Variants in PSTPIP1 observed in about 807,000 individuals in gnomAD.
PSTPIP1 encodes the protein proline-serine-threonine phosphatase-interacting protein 1.
Under a neutral mutation model 69.6 loss-of-function variants are expected in PSTPIP1, and 66 were observed. The observed-to-expected ratio is 0.95, with a 90% CI of 0.78 to 1.16. PSTPIP1 has a LOEUF of 1.16. Ranked by LOEUF, PSTPIP1 falls within the 50% of genes most tolerant of loss-of-function variation. The pLI, the probability that PSTPIP1 is intolerant of heterozygous loss-of-function variation, is 0.00. For missense variants in PSTPIP1, 603 were observed against 557.4 expected, an observed-to-expected ratio of 1.08 and a Z score of -0.82; for synonymous variants, 266 against 222.7, an observed-to-expected ratio of 1.19 and a Z score of -1.73.
At chr15:77,026,330 G>T (rs2076281193) in intron 5 of PSTPIP1, among the ~76,000 whole-genome samples, 2 of 152,288 alleles carry the variant, frequency 1.3e-5, no homozygotes, top group East Asian at 3.9e-4. Context: ...TAGTGATGAG[G>T]GTGGTGCCCT....
intron 1 of PSTPIP1, among the ~76,000 whole-genome samples, chr15:77,012,174 C>G (rs1387866564): frequency 7.3e-6 from 1 of 136,092 alleles, no homozygotes; most frequent in Non-Finnish European, 1.6e-5. Context: ...CCCACCCACC[C>G]ACCCATTCAC....
At chr15:77,024,528 C>G (rs756046377) in intron 3 of PSTPIP1, 1 of 152,156 alleles carries the variant, frequency 6.6e-6, no homozygotes, top group Non-Finnish European at 1.5e-5. Flanking sequence ...TACTGGATGC[C>G]CAGGTGAACG....
At chr15:77,018,611 C>A in intron 3 of PSTPIP1, 80 bp downstream of exon 3, 1 of 1,389,816 alleles carries the variant, frequency 7.2e-7, no homozygotes, top group East Asian at 2.5e-5. Context: ...TTAGGTCTTC[C>A]TGGCATGGGG....
chr15:76,995,847 G>A (rs1301603591), intron 1 of PSTPIP1, among the ~76,000 whole-genome samples: 1 of 152,192 alleles, frequency 6.6e-6, no homozygotes, highest in Admixed American at 6.5e-5. Flanking sequence ...TTCTCCTCTG[G>A]GAGACCTCTC....
At chr15:77,029,664 TC>T in intron 8 of PSTPIP1, 90 bp downstream of exon 8, 1 of 1,360,164 alleles carries the variant, frequency 7.4e-7, no homozygotes, top group Non-Finnish European at 1.0e-6. Flanking sequence ...ACACACACAC[TC>T]CCCCTGGCTG....
At chr15:77,013,179 C>T (rs536942315) in intron 1 of PSTPIP1, among the ~76,000 whole-genome samples, 3 of 152,220 alleles carry the variant, frequency 2.0e-5, no homozygotes, top group African/African-American at 4.8e-5. Flanking sequence ...GCTGCTGCTA[C>T]GTCTTGCTTC....
chr15:77,002,179 G>A (rs1206907003), intron 1 of PSTPIP1, among the ~76,000 whole-genome samples: 1 of 152,196 alleles, frequency 6.6e-6, no homozygotes, highest in Non-Finnish European at 1.5e-5. Context: ...CTCTGTGATG[G>A]GACCTAAGGC....
At chr15:77,036,356 G>A (rs888164588) in intron 14 of PSTPIP1, among the ~76,000 whole-genome samples, 2 of 152,204 alleles carry the variant, frequency 1.3e-5, no homozygotes, top group Non-Finnish European at 2.9e-5. Context: ...CAGGCTCTGT[G>A]CCTTTGGGTC....
At position 77,001,268 on chromosome 15, in the gene PSTPIP1, C is replaced by A. The variant is rs553043890; in HGVS notation, c.36+5659C>A. Among the ~76,000 whole-genome samples, 9 of 152,336 alleles carry A rather than the reference C, an allele frequency of 5.9e-5. No individual in the cohort carries two copies. In the East Asian group the frequency reaches 7.7e-4, roughly 13 times the overall value. On this transcript the variant is annotated intron_variant, in intron 1 of 14. Coordinates refer to ENST00000558012, the MANE Select transcript of PSTPIP1 (RefSeq NM_003978.5). ...AATGGCTATTTTCCAGGGAAGGAGG[C>A]ATTTCTGGGTGAAAGAGTGGGGCCA...
intron 1 of PSTPIP1, among the ~76,000 whole-genome samples, chr15:77,009,423 G>C (rs779415805): frequency 6.6e-6 from 1 of 152,184 alleles, no homozygotes; most frequent in Non-Finnish European, 1.5e-5. Flanking sequence ...CGCAAAGCAG[G>C]CACCTCATAT....
chr15:77,018,063 C>T lies in PSTPIP1; in HGVS notation c.37-85C>T, dbSNP rs1243698310. ...ATGGAGGCAGGAGGGAGGCTGTTCC[C>T]AGAGATGGTGGGAGGGTCCCCACAG... On this transcript the variant is annotated intron_variant, in intron 1 of 14. Transcript: ENST00000558012. 2.2e-6 allele frequency: 3 copies of T among 1,372,248 alleles called. No individual in the cohort carries two copies. The African/African-American group carries it at 4.3e-5, about 20-fold the overall frequency. The allele number at this position is 1,372,248 out of a possible 1,614,324, so 85.0% of individuals were successfully genotyped here.
At chr15:77,005,326 C>T (rs2075794716) in intron 1 of PSTPIP1, among the ~76,000 whole-genome samples, 1 of 151,362 alleles carries the variant, frequency 6.6e-6, no homozygotes, top group Non-Finnish European at 1.5e-5. Context: ...GCAGAGGTTG[C>T]AGTGAGCCAA....
intron 1 of PSTPIP1, among the ~76,000 whole-genome samples, chr15:77,006,291 C>A (rs950220578): frequency 6.6e-6 from 1 of 152,004 alleles, no homozygotes; most frequent in African/African-American, 2.4e-5. Context: ...TATTTAAGAC[C>A]TTTGCCCACT....
At chr15:77,005,059 G>C (rs2075789306) in intron 1 of PSTPIP1, among the ~76,000 whole-genome samples, 1 of 152,088 alleles carries the variant, frequency 6.6e-6, no homozygotes, top group African/African-American at 2.4e-5. Flanking sequence ...TTTAGCTTGA[G>C]AGGCATCAAC....
chr15:77,033,224 C>T (rs1375085285), intron 12 of PSTPIP1, among the ~76,000 whole-genome samples: 1 of 152,194 alleles, frequency 6.6e-6, no homozygotes, highest in African/African-American at 2.4e-5. Context: ...CCTATGCTGG[C>T]TTCCTTGTCC....
Position 77,031,178 on chromosome 15 carries a change from A to G in PSTPIP1, c.643-2A>G, listed in dbSNP as rs775632005. ...TGCTCACCTCCCTCCCACTGCCCCC[A>G]GGCCTTTCAGCTGCAAGAGTTTGAC... On this transcript the variant is annotated splice_acceptor_variant, in intron 9 of 14. Coordinates refer to ENST00000558012, the MANE Select transcript of PSTPIP1 (RefSeq NM_003978.5). LOFTEE classifies it high-confidence loss of function. 6.2e-7 allele frequency: 1 copy of G among 1,611,994 alleles called. No individual in the cohort carries two copies. The highest frequency in any genetic ancestry group is 1.7e-5 in the Admixed American group (1 of 60,000).
intron 3 of PSTPIP1, among the ~76,000 whole-genome samples, chr15:77,021,431 C>T (rs1423071433): frequency 2.0e-5 from 3 of 152,328 alleles, no homozygotes; most frequent in South Asian, 4.1e-4. Flanking sequence ...GTGCCTCACG[C>T]CTATAATCCC....
Position 77,030,541 on chromosome 15 carries a change from T to C in PSTPIP1, c.602T>C (p.Val201Ala), listed in dbSNP as rs1173585215. 2 of 1,611,730 alleles carry C rather than the reference T, an allele frequency of 1.2e-6. No homozygotes were observed. The highest frequency in any genetic ancestry group is 1.7e-6 in the Non-Finnish European group (2 of 1,178,880). ...CAGAGCATTGCGCAGCTGGAGAAGG[T>C]CCGGGCTGAGTGGGAGCAGGAGCAC... The part of the protein sequence containing the change: ...YRQSIAQLEK[V>A]RAEWEQEHRT... Residue 201 changes from valine (V) to alanine (A), a missense_variant, in exon 9 of 15, where the codon GTC (valine) becomes GCC (alanine). Coordinates refer to ENST00000558012, the MANE Select transcript of PSTPIP1 (RefSeq NM_003978.5).
At position 77,031,992 on chromosome 15, in the gene PSTPIP1, G is replaced by A. The variant is rs908280916; in HGVS notation, c.742-306G>A. On this transcript the variant is annotated intron_variant, in intron 10 of 14. Transcript: ENST00000558012. ...CCTAGCCCCAAGGCCTGGCTGTGCTGCATTCTCGCTGTGACCTTGGGCAAG... is the reference window on the plus strand; with the variant it reads ...CCTAGCCCCAAGGCCTGGCTGTGCTACATTCTCGCTGTGACCTTGGGCAAG... Among the ~76,000 whole-genome samples the A allele has an allele frequency of 5.3e-5, 8 of 152,206 alleles. 1 individual carries two copies. The highest frequency in any genetic ancestry group is 1.9e-4 in the African/African-American group (8 of 41,450).
Sources: allele counts gnomAD v4.1 joint callset (sites outside exome capture counted in the v4.1 genomes callset), GRCh38; gene constraint gnomAD v4.1.1; transcripts MANE v1.5; gene names NCBI Gene and HGNC (gene_info 2026-07-23, HGNC 2026-07-21).